Variants in GRIK1 observed in about 807,000 individuals in gnomAD.
GRIK1 encodes glutamate receptor ionotropic, kainate 1.
A neutral mutation model predicts 105.7 loss-of-function variants in GRIK1; 69 were observed. The ratio of observed to expected loss-of-function variants is 0.65; its 90% CI spans 0.54 to 0.80. The LOEUF is 0.80. GRIK1 is among the 30% of genes least tolerant of loss of function. GRIK1 has a pLI of 0.00. For synonymous variants in GRIK1, 438 were observed against 431.3 expected (o/e 1.02, Z -0.19); for missense variants, 1,109 against 1,167.3 (o/e 0.95, Z 0.73).
chr21:29,808,190 C>T (rs546879967), intron 1 of GRIK1, among the ~76,000 whole-genome samples: 1 of 152,206 alleles, frequency 6.6e-6, no homozygotes, highest in East Asian at 1.9e-4. Flanking sequence ...AAGTGACTGA[C>T]AAGAATTGGT....
Position 29,631,686 on chromosome 21 carries a change from A to C in GRIK1, c.1098+11140T>G, listed in dbSNP as rs546717186. Among the ~76,000 whole-genome samples, 8 of 152,346 alleles carry C rather than the reference A, an allele frequency of 5.3e-5. No individual in the cohort carries two copies. In the East Asian group the frequency reaches 1.5e-3, roughly 29 times the overall value. ...GTGTAAAAGACACAGTGGATTAAAA[A>C]GACTTATGAAAAAAAGTACAATTGC... On this transcript the variant is annotated intron_variant, in intron 7 of 17. Coordinates refer to ENST00000327783, the MANE Select transcript of GRIK1 (RefSeq NM_001330994.2).
intron 1 of GRIK1, among the ~76,000 whole-genome samples, chr21:29,905,174 G>T (rs2070564937): frequency 6.6e-6 from 1 of 152,120 alleles, no homozygotes; most frequent in Non-Finnish European, 1.5e-5. Flanking sequence ...CTGACTGAGT[G>T]GGGCCAAATT....
At chr21:29,767,212 G>A in intron 1 of GRIK1, among the ~76,000 whole-genome samples, 1 of 152,112 alleles carries the variant, frequency 6.6e-6, no homozygotes, top group East Asian at 1.9e-4. Flanking sequence ...CAGGGGAAAT[G>A]GTCAAATAAA....
At chr21:29,620,802 T>TATATATATAG (rs1276169939) in intron 7 of GRIK1, among the ~76,000 whole-genome samples, 40 of 127,408 alleles carry the variant, frequency 3.1e-4, no homozygotes, top group South Asian at 1.4e-3. Flanking sequence ...TCTATATATA[T>TATATATATAG]ATAGATATAT....
chr21:29,850,178 C>T (rs999764948), intron 1 of GRIK1, among the ~76,000 whole-genome samples: 1 of 152,150 alleles, frequency 6.6e-6, no homozygotes, highest in African/African-American at 2.4e-5. Flanking sequence ...AAAACTATCT[C>T]AAATATTTGT....
At chr21:29,744,531 C>G (rs80071667) in intron 1 of GRIK1, among the ~76,000 whole-genome samples, 9,057 of 151,224 alleles carry the variant, frequency 0.06, 313 homozygotes, top group African/African-American at 0.07. Context: ...AGTTGTCAAG[C>G]TAGCTGGCAC....
At chr21:29,773,227 C>T (rs966154756) in intron 1 of GRIK1, among the ~76,000 whole-genome samples, 1 of 152,180 alleles carries the variant, frequency 6.6e-6, no homozygotes, top group East Asian at 1.9e-4. Flanking sequence ...TTCTTCTGAA[C>T]ATTCTGCAAG....
At chr21:29,823,318 A>AGG (rs1377297471) in intron 1 of GRIK1, among the ~76,000 whole-genome samples, 1 of 151,980 alleles carries the variant, frequency 6.6e-6, no homozygotes, top group East Asian at 1.9e-4. Context: ...TTACCTTGGC[A>AGG]GGGTAAGAGT....
At chr21:29,734,644 C>A (rs900432248) in intron 1 of GRIK1, among the ~76,000 whole-genome samples, 6 of 151,986 alleles carry the variant, frequency 3.9e-5, no homozygotes, top group African/African-American at 1.5e-4. Context: ...AGAGATCCAC[C>A]CCCCTGGGCC....
At chr21:29,641,214 C>T (rs1336319166) in intron 7 of GRIK1, among the ~76,000 whole-genome samples, 5 of 152,112 alleles carry the variant, frequency 3.3e-5, no homozygotes, top group African/African-American at 7.2e-5. Flanking sequence ...AATCTCATCT[C>T]GAATTGTAGC....
intron 1 of GRIK1, among the ~76,000 whole-genome samples, chr21:29,729,388 C>T (rs948656209): frequency 6.6e-6 from 1 of 152,142 alleles, no homozygotes; most frequent in African/African-American, 2.4e-5. Flanking sequence ...TGTTTTCCCC[C>T]AAAATCCACT....
intron 1 of GRIK1, among the ~76,000 whole-genome samples, chr21:29,780,720 GT>G (rs1307405523): frequency 1.3e-5 from 2 of 152,152 alleles, no homozygotes; most frequent in Non-Finnish European, 2.9e-5. Flanking sequence ...ATTAGATATT[GT>G]TCTTAATTGC....
intron 16 of GRIK1, among the ~76,000 whole-genome samples, chr21:29,545,745 G>A (rs754055888): frequency 9.2e-5 from 14 of 151,980 alleles, no homozygotes; most frequent in South Asian, 2.1e-4. Flanking sequence ...TAGTTTTCGG[G>A]GTACCAGTTT....
chr21:29,716,553 C>A (rs755039690), intron 1 of GRIK1, among the ~76,000 whole-genome samples: 1 of 152,086 alleles, frequency 6.6e-6, no homozygotes, highest in Non-Finnish European at 1.5e-5. Flanking sequence ...AGTGGAGATG[C>A]GGAACTTCTT....
chr21:29,555,989 A>G (rs1418680913), intron 15 of GRIK1, among the ~76,000 whole-genome samples: 1 of 152,164 alleles, frequency 6.6e-6, no homozygotes, highest in Non-Finnish European at 1.5e-5. Context: ...TCCACCAGAT[A>G]TACCTTTCAT....
rs1348088091 is a variant in GRIK1, at chr21:29,745,934, T to C, written c.119-51871A>G. ...CTGGCTAACACAGTGAAACCCCTTC[T>C]CTACTAAAAATACAAAAAAATTAGC... On this transcript the variant is annotated intron_variant, in intron 1 of 17. Coordinates refer to ENST00000327783, the MANE Select transcript of GRIK1 (RefSeq NM_001330994.2). 2.6e-5 allele frequency among the ~76,000 whole-genome samples: 4 copies of C among 152,068 alleles called. No homozygotes were observed. The East Asian group carries it at 7.7e-4, about 29-fold the overall frequency.
chr21:29,715,571 G>A (rs1426289117), intron 1 of GRIK1, among the ~76,000 whole-genome samples: 1 of 151,646 alleles, frequency 6.6e-6, no homozygotes, highest in African/African-American at 2.4e-5. Context: ...CTTGCATGTA[G>A]CTCACATCGC....
intron 1 of GRIK1, among the ~76,000 whole-genome samples, chr21:29,859,403 A>C (rs1180163124): frequency 2.7e-5 from 2 of 72,934 alleles, no homozygotes; most frequent in Middle Eastern, 6.2e-3. Flanking sequence ...ATAAAAAAAC[A>C]AAAAAAAATA....
In GRIK1 at chr21:29,663,373, C is replaced by T. The variant is rs560275584; in HGVS notation, c.727-8510G>A. 5.3e-5 allele frequency among the ~76,000 whole-genome samples: 8 copies of T among 152,252 alleles called. No homozygotes were observed. The East Asian group carries it at 5.8e-4, about 11-fold the overall frequency. ...GAGTTTGTTAAGTTTCCTGTCTACC[C>T]GTGAGGGAGCCTCCTGTATAAATGC... On this transcript the variant is annotated intron_variant, in intron 4 of 17. Coordinates refer to ENST00000327783, the MANE Select transcript of GRIK1 (RefSeq NM_001330994.2).
Sources: allele counts gnomAD v4.1 joint callset (sites outside exome capture counted in the v4.1 genomes callset), GRCh38; gene constraint gnomAD v4.1.1; transcripts MANE v1.5; gene names NCBI Gene and HGNC (gene_info 2026-07-23, HGNC 2026-07-21).